The following BMPR1A variants were observed in gnomAD, a reference collection of about 807,000 sequenced individuals.
The protein encoded by BMPR1A is bone morphogenetic protein receptor type-1A.
In BMPR1A, 7 loss-of-function variants were observed where a neutral mutation model predicts 66.0. The ratio of observed to expected loss-of-function variants is 0.11; its 90% CI spans 0.06 to 0.20. BMPR1A has a LOEUF of 0.20. Among genes scored for constraint, BMPR1A ranks in the 10% least tolerant of loss-of-function variants. BMPR1A has a pLI of 1.00. For synonymous variants in BMPR1A, 200 were observed against 229.7 expected (o/e 0.87, Z 1.17); for missense variants, 408 against 669.1 (o/e 0.61, Z 4.31).
At chr10:86,886,801 A>G (rs1036290502) in intron 3 of BMPR1A, among the ~76,000 whole-genome samples, 1 of 146,376 alleles carries the variant, frequency 6.8e-6, no homozygotes, top group African/African-American at 2.5e-5. Context: ...TCCTTTGTTT[A>G]CATGTAAACA....
intron 1 of BMPR1A, among the ~76,000 whole-genome samples, chr10:86,824,651 AATTTT>A (rs1236669459): frequency 6.6e-6 from 1 of 152,176 alleles, no homozygotes; most frequent in Non-Finnish European, 1.5e-5. Flanking sequence ...AATTGAAAAT[AATTTT>A]ATTTTCTGTA....
At position 86,917,462 on chromosome 10, in the gene BMPR1A, G is replaced by T. The variant is rs542350162; in HGVS notation, c.868+136G>T. 7.5e-6 allele frequency: 8 copies of T among 1,070,126 alleles called. No homozygotes were observed. In the Middle Eastern group the frequency reaches 1.2e-3, roughly 160 times the overall value. The allele number at this position is 1,070,126 out of a possible 1,614,324, so 66.3% of individuals were successfully genotyped here. A position where few individuals can be genotyped will look rare whatever the true frequency, so the allele number is the denominator to read the frequency against. On this transcript the variant is annotated intron_variant, in intron 9 of 12. Coordinates refer to ENST00000372037, the MANE Select transcript of BMPR1A (RefSeq NM_004329.3). ...CTAAAGGAAACCTAGTAGAATACAC[G>T]GTTTGAATAAAACATAGTCCGGAAT...
chr10:86,821,108 G>A (rs925467973), intron 1 of BMPR1A, among the ~76,000 whole-genome samples: 4 of 152,156 alleles, frequency 2.6e-5, no homozygotes, highest in African/African-American at 7.2e-5. Flanking sequence ...TATATTGTGA[G>A]TATATTTCCA....
intron 1 of BMPR1A, among the ~76,000 whole-genome samples, chr10:86,833,682 T>C (rs1006865642): frequency 2.6e-5 from 4 of 152,148 alleles, no homozygotes; most frequent in Admixed American, 2.0e-4. Flanking sequence ...GGAATAAACA[T>C]TTAATAGAGT....
intron 2 of BMPR1A, chr10:86,856,326 C>A (rs940016884): frequency 3.6e-5 from 16 of 441,342 alleles, no homozygotes; most frequent in Non-Finnish European, 1.8e-5. Flanking sequence ...CCCTCTGCAG[C>A]CCAGGGCAGT....
intron 2 of BMPR1A, among the ~76,000 whole-genome samples, chr10:86,866,399 CTTTTTTTTTTTTT>C (rs1048293127): frequency 0.02 from 1,413 of 69,446 alleles, 47 homozygotes; most frequent in African/African-American, 0.069. Flanking sequence ...AAGTTTCTTT[CTTTTTTTTTTTTT>C]TTTTTTTTTT....
At chr10:86,793,333 A>G (rs1483430895) in intron 1 of BMPR1A, among the ~76,000 whole-genome samples, 4 of 151,094 alleles carry the variant, frequency 2.6e-5, no homozygotes, top group Non-Finnish European at 1.5e-5. Flanking sequence ...TACTGGAGAC[A>G]GGATTTCTGA....
At chr10:86,763,183 T>G (rs1841099274) in intron 1 of BMPR1A, among the ~76,000 whole-genome samples, 1 of 152,142 alleles carries the variant, frequency 6.6e-6, no homozygotes. Context: ...CATGAGCCAC[T>G]GCGCCCGGCC....
chr10:86,863,060 A>G (rs991901258), intron 2 of BMPR1A, among the ~76,000 whole-genome samples: 2 of 151,644 alleles, frequency 1.3e-5, no homozygotes, highest in African/African-American at 2.4e-5. Flanking sequence ...GCTCACTGCA[A>G]CCTCTACCTC....
In BMPR1A at chr10:86,921,547, G is replaced by A; in HGVS notation, c.1194G>A (p.Leu398=). 6.2e-7 allele frequency: 1 copy of A among 1,614,042 alleles called. No homozygotes were observed. The highest frequency in any genetic ancestry group is 8.5e-7 in the Non-Finnish European group (1 of 1,179,968). ...ACACAAATGAAGTTGATGTGCCCTT[G>A]AATACCAGGGTGGGCACCAAACGCT... ...NSDTNEVDVP[L]NTRVGTKRYM... is the part of the protein sequence containing the mutation. Residue 398 remains leucine (L), a synonymous_variant, in exon 11 of 13, where the codon TTG becomes TTA. Transcript: ENST00000372037.
chr10:86,855,331 T>C (rs1244956652), intron 2 of BMPR1A: 2 of 912,604 alleles, frequency 2.2e-6, no homozygotes, highest in Admixed American at 5.5e-5. Flanking sequence ...TTTAAGTAAG[T>C]TTCTATTTGC....
At chr10:86,852,421 T>G (rs1444858444) in intron 2 of BMPR1A, among the ~76,000 whole-genome samples, 1 of 151,948 alleles carries the variant, frequency 6.6e-6, no homozygotes, top group Non-Finnish European at 1.5e-5. Flanking sequence ...AAATAAAAAT[T>G]AGCCCGGCAC....
intron 8 of BMPR1A, among the ~76,000 whole-genome samples, chr10:86,916,121 C>T (rs1398117797): frequency 2.6e-5 from 4 of 152,218 alleles, no homozygotes; most frequent in African/African-American, 9.6e-5. Flanking sequence ...CAAAAAAACC[C>T]AGCGACAGGA....
At chr10:86,895,506 C>A (rs1350301547) in intron 5 of BMPR1A, among the ~76,000 whole-genome samples, 2 of 151,666 alleles carry the variant, frequency 1.3e-5, no homozygotes, top group African/African-American at 2.4e-5. Flanking sequence ...CCATTGCACT[C>A]CAGCCTAGGC....
At position 86,926,752 on chromosome 10, in the gene BMPR1A, A is replaced by G; in HGVS notation, c.*3033A>G. The G allele has an allele frequency of 5.4e-6, 1 of 185,318 alleles. No individual in the cohort carries two copies. The highest frequency in any genetic ancestry group is 1.1e-5 in the Non-Finnish European group (1 of 87,554). 11.5% of individuals were successfully genotyped at this position (185,318 alleles called of 1,614,324 possible). A position where few individuals can be genotyped will look rare whatever the true frequency, so the allele number is the denominator to read the frequency against. ...GCAATTTAGTGTTTTTGAAGTGTGT[A>G]GCTTCATTCAGATAGCTCTTTAAAT... On this transcript the variant is annotated 3_prime_UTR_variant, in exon 13 of 13. Coordinates refer to ENST00000372037, the MANE Select transcript of BMPR1A (RefSeq NM_004329.3).
At chr10:86,845,076 A>C (rs1343146800) in intron 2 of BMPR1A, among the ~76,000 whole-genome samples, 1 of 152,238 alleles carries the variant, frequency 6.6e-6, no homozygotes, top group Admixed American at 6.5e-5. Flanking sequence ...CTCTGTTTAC[A>C]AGCACAAGCA....
intron 9 of BMPR1A, 37 bp downstream of exon 9, chr10:86,917,363 C>T: frequency 6.2e-7 from 1 of 1,610,580 alleles, no homozygotes; most frequent in South Asian, 1.1e-5. Flanking sequence ...TCATTTTTGA[C>T]AAGGCTAGTG....
chr10:86,859,847 A>T (rs1477929302), intron 2 of BMPR1A, among the ~76,000 whole-genome samples: 1 of 152,158 alleles, frequency 6.6e-6, no homozygotes, highest in Non-Finnish European at 1.5e-5. Context: ...TGACCCATGC[A>T]GTTCCAACCT....
Position 86,924,458 on chromosome 10 carries a change from A to C in BMPR1A, c.*739A>C, listed in dbSNP as rs1457802732. Reference sequence around the variant, plus strand: ...ATTTTTTAACATGAAAGCTGATGCCAAGGCCAAAAGAAGTTTAAAGCATCT... The same window carrying C: ...ATTTTTTAACATGAAAGCTGATGCCCAGGCCAAAAGAAGTTTAAAGCATCT... On this transcript the variant is annotated 3_prime_UTR_variant, in exon 13 of 13. Transcript: ENST00000372037. 4.3e-6 allele frequency: 1 copy of C among 233,622 alleles called. No individual in the cohort carries two copies. The highest frequency in any genetic ancestry group is 8.5e-6 in the Non-Finnish European group (1 of 118,072). The allele number at this position is 233,622 out of a possible 1,614,324, so 14.5% of individuals were successfully genotyped here. A position where few individuals can be genotyped will look rare whatever the true frequency, so the allele number is the denominator to read the frequency against.
Sources: allele counts gnomAD v4.1 joint callset (sites outside exome capture counted in the v4.1 genomes callset), GRCh38; gene constraint gnomAD v4.1.1; transcripts MANE v1.5; gene names NCBI Gene and HGNC (gene_info 2026-07-23, HGNC 2026-07-21).